Variants in MCOLN2 observed in about 807,000 individuals in gnomAD.
The protein encoded by MCOLN2 is mucolipin TRP cation channel 2.
Under a neutral mutation model 67.5 loss-of-function variants are expected in MCOLN2, and 57 were observed. The ratio of observed to expected loss-of-function variants is 0.84; its 90% CI spans 0.68 to 1.05. The LOEUF (loss-of-function observed/expected upper bound fraction) is 1.05. MCOLN2 is among the 50% of genes least tolerant of loss of function. MCOLN2 has a pLI of 0.00. For missense variants in MCOLN2, 620 were observed against 678.8 expected, an observed-to-expected ratio of 0.91 and a Z score of 0.96; for synonymous variants, 246 against 233.3, an observed-to-expected ratio of 1.05 and a Z score of -0.50.
At chr1:84,984,391 C>T (rs1650402935) in intron 1 of MCOLN2, among the ~76,000 whole-genome samples, 2 of 120,048 alleles carry the variant, frequency 1.7e-5, no homozygotes, top group Admixed American at 1.8e-4. Flanking sequence ...AGAGAGACAT[C>T]AATGCTTTTG....
At chr1:84,992,915 G>A (rs1473126842) in intron 1 of MCOLN2, among the ~76,000 whole-genome samples, 3 of 152,272 alleles carry the variant, frequency 2.0e-5, no homozygotes, top group Non-Finnish European at 4.4e-5. Context: ...GGTGGTTAGG[G>A]CAATTTCTTA....
intron 13 of MCOLN2, among the ~76,000 whole-genome samples, chr1:84,928,153 A>G (rs1245177098): frequency 6.6e-6 from 1 of 152,170 alleles, no homozygotes; most frequent in East Asian, 1.9e-4. Context: ...ACATAGTTAC[A>G]GCTACCTGTC....
chr1:84,936,292 G>A (rs1557631469), intron 11 of MCOLN2, among the ~76,000 whole-genome samples: 1 of 152,138 alleles, frequency 6.6e-6, no homozygotes, highest in Admixed American at 6.5e-5. Flanking sequence ...ATGAGGTAGG[G>A]GAGACGGGGA....
chr1:84,980,990 A>ACTT (rs1429771241), intron 1 of MCOLN2, among the ~76,000 whole-genome samples: 1 of 152,220 alleles, frequency 6.6e-6, no homozygotes, highest in Non-Finnish European at 1.5e-5. Flanking sequence ...TGGGCAAAAG[A>ACTT]CTTGAATAGA....
At chr1:84,963,265 T>C (rs961751783) in intron 2 of MCOLN2, among the ~76,000 whole-genome samples, 44 of 152,186 alleles carry the variant, frequency 2.9e-4, no homozygotes, top group African/African-American at 1.0e-3. Flanking sequence ...GCCTAGGACA[T>C]GGCAAACACT....
In MCOLN2 at chr1:84,926,660, A is replaced by T. The variant is rs1267074107; in HGVS notation, c.*25T>A. ...CTCAGCCGCTGGATAAGGATGCCTGAACTTTAATCATCTTTAGCAGAACTT... is the reference window on the plus strand; with the variant it reads ...CTCAGCCGCTGGATAAGGATGCCTGTACTTTAATCATCTTTAGCAGAACTT... On this transcript the variant is annotated 3_prime_UTR_variant, in exon 14 of 14. Coordinates refer to ENST00000370608, the MANE Select transcript of MCOLN2 (RefSeq NM_153259.4). The T allele has an allele frequency of 6.4e-7, 1 of 1,563,958 alleles. No individual in the cohort carries two copies. The highest frequency in any genetic ancestry group is 2.3e-5 in the East Asian group (1 of 43,432).
At position 84,987,577 on chromosome 1, in the gene MCOLN2, CATAG is replaced by C. The variant is rs1486210345; in HGVS notation, c.77+9215_77+9218del. The stretch of plus-strand genomic sequence containing the variant: ...ACATCTATGTATACATAGATGTATA[CATAG>C]ATATATACATATGTATATAGATGTA... On this transcript the variant is annotated intron_variant, in intron 1 of 13. Coordinates refer to ENST00000370608, the MANE Select transcript of MCOLN2 (RefSeq NM_153259.4). Among the ~76,000 whole-genome samples the C allele has an allele frequency of 2.2e-3, 165 of 75,244 alleles. 9 individuals carry two copies. The highest frequency in any genetic ancestry group is 8.2e-3 in the African/African-American group (159 of 19,402). 49.4% of individuals were successfully genotyped at this position (75,244 alleles called of 152,430 possible). A position where few individuals can be genotyped will look rare whatever the true frequency, so the allele number is the denominator to read the frequency against.
intron 2 of MCOLN2, 134 bp from the exon 3 acceptor site, chr1:84,958,836 G>A: frequency 8.7e-6 from 5 of 574,710 alleles, no homozygotes; most frequent in Non-Finnish European, 1.4e-5. Context: ...TATACTAATA[G>A]CATCAATGTC....
chr1:84,996,774 A>G, intron 1 of MCOLN2, 22 bp downstream of exon 1: 1 of 1,607,258 alleles, frequency 6.2e-7, no homozygotes, highest in Non-Finnish European at 8.5e-7. Context: ...GCATCCTGAA[A>G]GATGAAGCCC....
intron 7 of MCOLN2, among the ~76,000 whole-genome samples, chr1:84,945,906 G>A (rs1361061762): frequency 6.6e-6 from 1 of 151,912 alleles, no homozygotes; most frequent in African/African-American, 2.4e-5. Flanking sequence ...GTGCCACCAT[G>A]CCCGGCTAAT....
At chr1:84,986,474 C>A (rs138708484) in intron 1 of MCOLN2, among the ~76,000 whole-genome samples, 1 of 142,408 alleles carries the variant, frequency 7.0e-6, no homozygotes, top group South Asian at 2.4e-4. Context: ...ACCCAGGAGG[C>A]GGAGGTTGCA....
rs1571065629 is a variant in MCOLN2, at chr1:84,997,095, C to T, written c.-223G>A. ...AGTGCGGCGGGCAGTTCTCGGGCGG[C>T]TGAAAGGCGGCTCTGTGTGCACCCT... On this transcript the variant is annotated 5_prime_UTR_variant, in exon 1 of 14. Coordinates refer to ENST00000370608, the MANE Select transcript of MCOLN2 (RefSeq NM_153259.4). The T allele has an allele frequency of 1.8e-6, 1 of 569,690 alleles. No individual in the cohort carries two copies. The highest frequency in any genetic ancestry group is 3.1e-6 in the Non-Finnish European group (1 of 322,006). 35.3% of individuals were successfully genotyped at this position (569,690 alleles called of 1,614,324 possible).
At chr1:84,972,992 C>G (rs1421057169) in intron 1 of MCOLN2, among the ~76,000 whole-genome samples, 2 of 152,126 alleles carry the variant, frequency 1.3e-5, no homozygotes. Flanking sequence ...TTGTTTTTAT[C>G]CCCTGCTGCA....
intron 6 of MCOLN2, 133 bp from the exon 7 acceptor site, chr1:84,947,265 G>T (rs916151845): frequency 4.2e-5 from 25 of 595,724 alleles, no homozygotes; most frequent in Middle Eastern, 3.4e-4. Flanking sequence ...CAGCAAAATG[G>T]CTGACTAGAA....
Position 84,929,608 on chromosome 1 carries a change from C to G in MCOLN2, c.1614G>C (p.Glu538Asp), listed in dbSNP as rs370198725. 3 of 1,613,836 alleles carry G rather than the reference C, an allele frequency of 1.9e-6. No homozygotes were observed. In the Admixed American group the frequency reaches 5.0e-5, roughly 27 times the overall value. Residue 538 changes from glutamate (E) to aspartate (D), a missense_variant, in exon 13 of 14, where the codon GAG (glutamate) becomes GAC (aspartate). Transcript: ENST00000370608. ...GGAAGGCTGAGGACTCTTTCTGATA[C>G]TCTTCTTTGCTACTGCATTCCTTCA... The part of the protein sequence containing the change: ...EFLKECSSKE[E>D]YQKESSAFLS...
At chr1:84,996,356 A>T (rs1320281711) in intron 1 of MCOLN2, among the ~76,000 whole-genome samples, 1 of 146,918 alleles carries the variant, frequency 6.8e-6, no homozygotes, top group Non-Finnish European at 1.5e-5. Flanking sequence ...GTACCGTTCA[A>T]CCAGAGACAC....
intron 1 of MCOLN2, among the ~76,000 whole-genome samples, chr1:84,973,309 T>G (rs541460745): frequency 1.3e-5 from 2 of 152,078 alleles, no homozygotes; most frequent in African/African-American, 4.8e-5. Context: ...AGACTCTGTC[T>G]CCACAAAAAC....
Position 84,958,652 on chromosome 1 carries a change from ATCT to A in MCOLN2, c.285_287del (p.Glu95del), listed in dbSNP as rs750253176. 4 of 1,601,402 alleles carry A rather than the reference ATCT, an allele frequency of 2.5e-6. No individual in the cohort carries two copies. In the South Asian group the frequency reaches 4.6e-5, roughly 18 times the overall value. On this transcript the variant is annotated inframe_deletion, in exon 3 of 14. Transcript: ENST00000370608. ...ACAAGTGCTTAAAAGCAACAGTGTT[ATCT>A]TCTTTGAAAGCAACCACCAGCTGGT...
At chr1:84,948,102 G>A (rs1023410418) in intron 6 of MCOLN2, among the ~76,000 whole-genome samples, 64 of 152,194 alleles carry the variant, frequency 4.2e-4, no homozygotes, top group African/African-American at 1.5e-3. Context: ...TAAAGAGCCT[G>A]CCTCACAGCC....
Sources: allele counts gnomAD v4.1 joint callset (sites outside exome capture counted in the v4.1 genomes callset), GRCh38; gene constraint gnomAD v4.1.1; transcripts MANE v1.5; gene names NCBI Gene and HGNC (gene_info 2026-07-23, HGNC 2026-07-21).